The following ZNF318 variants were observed in gnomAD, a reference collection of about 807,000 sequenced individuals.
The protein encoded by ZNF318 is endocrine regulator.
A neutral mutation model predicts 124.2 loss-of-function variants in ZNF318; 51 were observed. That is an observed-to-expected ratio of 0.41 (90% confidence interval 0.33 to 0.52). The LOEUF is 0.52. Among genes scored for constraint, ZNF318 ranks in the 20% least tolerant of loss-of-function variants. ZNF318 has a pLI of 0.23. For synonymous variants in ZNF318, 1,090 were observed against 1,040.7 expected (o/e 1.05, Z -0.91); for missense variants, 2,815 against 2,811.2 (o/e 1.00, Z -0.03).
rs1463278919 is a variant in ZNF318, at chr6:43,369,509, G to A, written c.-144C>T. The A allele has an allele frequency of 1.2e-5, 6 of 519,882 alleles. No individual in the cohort carries two copies. Among genetic ancestry groups the A allele is most frequent in the African/African-American group, 1.0e-4 (5 of 48,072 alleles). The allele number at this position is 519,882 out of a possible 1,614,324, so 32.2% of individuals were successfully genotyped here. A position where few individuals can be genotyped will look rare whatever the true frequency, so the allele number is the denominator to read the frequency against. On this transcript the variant is annotated 5_prime_UTR_variant, in exon 1 of 10. Transcript: ENST00000361428. ...CCGCGGGAGCAGCCCCCTCCCCTCG[G>A]CCCCGCGTCGCCCCGGGGGCCCGGC... is the stretch of plus-strand genomic sequence containing the variant.
intron 1 of ZNF318, among the ~76,000 whole-genome samples, chr6:43,365,758 T>G (rs919959594): frequency 6.6e-6 from 1 of 152,212 alleles, no homozygotes; most frequent in African/African-American, 2.4e-5. Flanking sequence ...CACTTCAGCC[T>G]GGGCAATGAG....
rs778673778 is a variant in ZNF318 at position 43,338,416 on chromosome 6, G to A, written c.5582C>T (p.Ser1861Phe). The stretch of plus-strand genomic sequence containing the variant: ...TGAGTCTAATTTTGCCTTTGTGAAA[G>A]AGCAAGCCTGTGGACTCAATTTGAT... ...VVIKLSPQAC[S>F]FTKAKLDSFL... Residue 1861 changes from serine (S) to phenylalanine (F), a missense_variant, in exon 10 of 10, where the codon TCT (serine) becomes TTT (phenylalanine). By Grantham distance (155) the Ser-to-Phe change is radical. Coordinates refer to ENST00000361428, the MANE Select transcript of ZNF318 (RefSeq NM_014345.3). 4 of 1,614,220 alleles carry A rather than the reference G, an allele frequency of 2.5e-6. No individual in the cohort carries two copies. Among genetic ancestry groups the A allele is most frequent in the Non-Finnish European group, 3.4e-6 (4 of 1,180,034 alleles).
At chr6:43,347,751 G>A (rs1229976154) in intron 6 of ZNF318, among the ~76,000 whole-genome samples, 2 of 152,126 alleles carry the variant, frequency 1.3e-5, no homozygotes, top group African/African-American at 4.8e-5. Flanking sequence ...TGGATGAAAT[G>A]GCCTAGGAAG....
chr6:43,338,110 T>C lies in ZNF318; in HGVS notation c.5888A>G (p.Lys1963Arg), dbSNP rs1218221655. The C allele has an allele frequency of 6.2e-7, 1 of 1,613,484 alleles. No homozygotes were observed. Among genetic ancestry groups the C allele is most frequent in the Non-Finnish European group, 8.5e-7 (1 of 1,179,866 alleles). ...GCTCTCCCAGGTCTCTGGCCTCTTC[T>C]TGTTTTCATCCCAAACAGCCAACTC... ...IYELAVWDENKKRPETWESPE... is the reference protein window; with the variant it reads ...IYELAVWDENRKRPETWESPE... The change falls in exon 10 of 10, where the codon AAG becomes AGG. Residue 1963 changes from lysine (K) to arginine (R), a missense_variant. Lys to Arg is a conservative substitution (Grantham distance 26). Transcript: ENST00000361428.
At chr6:43,341,325 T>C (rs1392246734) in intron 8 of ZNF318, among the ~76,000 whole-genome samples, 2 of 152,186 alleles carry the variant, frequency 1.3e-5, no homozygotes. Flanking sequence ...AAGGGTATAG[T>C]AGCAGCACTA....
Position 43,365,388 on chromosome 6 carries a change from G to A in ZNF318, c.452C>T (p.Thr151Ile). Residue 151 changes from threonine (T) to isoleucine (I), a missense_variant, in exon 2 of 10, where the codon ACT becomes ATT. Thr to Ile is a moderately conservative substitution (Grantham distance 89). Coordinates refer to ENST00000361428, the MANE Select transcript of ZNF318 (RefSeq NM_014345.3). ...AACACAGAAGTGGTCATTGCCAACA[G>A]TGATCCTTAAGCTCTTTTCCAAAGA... is the stretch of plus-strand genomic sequence containing the variant. ...SDSLEKSLRI[T>I]VGNDHFCVST... 2 of 1,614,174 alleles carry A rather than the reference G, an allele frequency of 1.2e-6. No individual in the cohort carries two copies. Among genetic ancestry groups the A allele is most frequent in the South Asian group, 2.2e-5 (2 of 91,092 alleles).
intron 5 of ZNF318, among the ~76,000 whole-genome samples, chr6:43,350,074 A>G (rs1779505076): frequency 6.6e-6 from 1 of 151,932 alleles, no homozygotes; most frequent in Admixed American, 6.6e-5. Context: ...ACAGGGTGAA[A>G]CCCCGTCTCT....
At position 43,354,827 on chromosome 6, in the gene ZNF318, C is replaced by A; in HGVS notation, c.2507G>T (p.Arg836Leu). ...ATCAGGAGTCACAGTGGGGATCACA[C>A]GAAGATTGGGACGGCTACGAGTAGC... ...KQATRSRPNL[R>L]VIPTVTPDKP... is the part of the protein sequence containing the mutation. Residue 836 changes from arginine to leucine, a missense_variant, in exon 4 of 10, where the codon CGT becomes CTT. Coordinates refer to ENST00000361428, the MANE Select transcript of ZNF318 (RefSeq NM_014345.3). The A allele has an allele frequency of 6.2e-7, 1 of 1,614,132 alleles. No individual in the cohort carries two copies.
chr6:43,338,311 G>C lies in ZNF318; in HGVS notation c.5687C>G (p.Ser1896Cys), dbSNP rs1779318787. 6.2e-7 allele frequency: 1 copy of C among 1,614,182 alleles called. No homozygotes were observed. The highest frequency in any genetic ancestry group is 8.5e-7 in the Non-Finnish European group (1 of 1,180,028). ...KISAPELLLH[S>C]PARSAMCLTG... ...TAAACACATAGCTGATCTGGCTGGG[G>C]AATGAAGCAGCAACTCTGGGGCAGA... is the stretch of plus-strand genomic sequence containing the variant. The change falls in exon 10 of 10, where the codon TCC becomes TGC. Residue 1896 changes from serine to cysteine, a missense_variant. Coordinates refer to ENST00000361428, the MANE Select transcript of ZNF318 (RefSeq NM_014345.3).
At position 43,337,257 on chromosome 6, in the gene ZNF318, C is replaced by T. The variant is rs900063403; in HGVS notation, c.6741G>A (p.Glu2247=). Residue 2247 remains glutamate, a synonymous_variant, in exon 10 of 10, where the codon GAG becomes GAA. Transcript: ENST00000361428. ...KAPVSRSPPR[E]QVIEDNMVPQ... ...GGACCATATTGTCTTCAATTACCTG[C>T]TCCCTTGGAGGGGACCTTGACACTG... The T allele has an allele frequency of 3.1e-6, 5 of 1,614,046 alleles. No homozygotes were observed. The South Asian group carries it at 3.3e-5, about 11-fold the overall frequency.
rs780303808 is a variant in ZNF318 at position 43,352,496 on chromosome 6, AAG to A, written c.2671-22_2671-21del. ...AATAACCTGCAAAATACAAAGTGGT[AAG>A]AGAGTCCATCTCCTCCAACATTCTC... is the stretch of plus-strand genomic sequence containing the variant. On this transcript the variant is annotated intron_variant, in intron 4 of 9. Transcript: ENST00000361428. 3.1e-6 allele frequency: 5 copies of A among 1,599,038 alleles called. No individual in the cohort carries two copies. The highest frequency in any genetic ancestry group is 1.1e-5 in the South Asian group (1 of 90,730).
chr6:43,338,796 T>C lies in ZNF318; in HGVS notation c.5202A>G (p.Gln1734=), dbSNP rs779762381. 1.9e-6 allele frequency: 3 copies of C among 1,614,118 alleles called. No individual in the cohort carries two copies. The highest frequency in any genetic ancestry group is 2.7e-5 in the African/African-American group (2 of 75,024). ...ATTCTTTGCACTGTATATCTAACAG[T>C]TGAGGAGGTGGTTCTACACCAGGTG... ...PGPPGVEPPP[Q]LLDIQCKESQ... Residue 1734 remains glutamine, a synonymous_variant, in exon 10 of 10, where the codon CAA becomes CAG. Transcript: ENST00000361428.
Position 43,357,487 on chromosome 6 carries a change from T to A in ZNF318, c.827A>T (p.Tyr276Phe). 1 of 1,614,166 alleles carries A rather than the reference T, an allele frequency of 6.2e-7. No individual in the cohort carries two copies. Among genetic ancestry groups the A allele is most frequent in the Non-Finnish European group, 8.5e-7 (1 of 1,180,002 alleles). The change falls in exon 3 of 10, where the codon TAT becomes TTT. Residue 276 changes from tyrosine (Y) to phenylalanine (F), a missense_variant. Around this residue, in one of 4 missense-constraint regions of ZNF318, gnomAD observed 1,377 missense variants for 1,353.5 expected, o/e 1.02. Transcript: ENST00000361428. The stretch of plus-strand genomic sequence containing the variant: ...GCTGTTTATCTTCACTGTGTCATCA[T>A]AACGGGGTCTTTTGGCCTCCCGGCT... ...ERSREAKRPR[Y>F]DDTVKINSMG...
chr6:43,342,974 GCC>G (rs1409301344), intron 6 of ZNF318, 95 bp from the exon 7 acceptor site: 8 of 839,804 alleles, frequency 9.5e-6, no homozygotes, highest in African/African-American at 8.5e-5. Context: ...TAGAAATAGG[GCC>G]ATATGACCAT....
chr6:43,368,903 A>T, intron 1 of ZNF318, 64 bp downstream of exon 1: 2 of 1,279,406 alleles, frequency 1.6e-6, no homozygotes, highest in East Asian at 3.2e-5. Context: ...GCGTTTCTGG[A>T]AACGGGAATT....
At chr6:43,347,630 G>A (rs1383974505) in intron 6 of ZNF318, among the ~76,000 whole-genome samples, 2 of 152,166 alleles carry the variant, frequency 1.3e-5, no homozygotes, top group Non-Finnish European at 2.9e-5. Flanking sequence ...AATTTCAAGT[G>A]CCTATGAGAT....
At chr6:43,352,606 C>A in intron 4 of ZNF318, 130 bp from the exon 5 acceptor site, 1 of 744,498 alleles carries the variant, frequency 1.3e-6, no homozygotes, top group Non-Finnish European at 2.2e-6. Context: ...CAGGCTCTGA[C>A]CTTACTGTCA....
intron 1 of ZNF318, among the ~76,000 whole-genome samples, chr6:43,366,614 T>C (rs1308104269): frequency 1.3e-5 from 2 of 152,008 alleles, no homozygotes; most frequent in African/African-American, 2.4e-5. Flanking sequence ...CTGGGCAACA[T>C]AGTGAAATCC....
In ZNF318 at chr6:43,355,962, C is replaced by A. The variant is rs1043171789; in HGVS notation, c.1372G>T (p.Gly458Trp). ...GNLYQWGPLP[G>W]IPKDNSPLRE... ...AGAGGACTGTTGTCTTTGGGAATCC[C>A]AGGAAGGGGACCCCATTGGTAGAGG... The change falls in exon 4 of 10, where the codon GGG (glycine) becomes TGG (tryptophan). Residue 458 changes from glycine to tryptophan, a missense_variant. By Grantham distance (184) the Gly-to-Trp change is radical. Coordinates refer to ENST00000361428, the MANE Select transcript of ZNF318 (RefSeq NM_014345.3). 4 of 1,614,036 alleles carry A rather than the reference C, an allele frequency of 2.5e-6. No individual in the cohort carries two copies. The African/African-American group carries it at 5.3e-5, about 22-fold the overall frequency.
Sources: gnomAD v4.1 joint callset for allele counts (sites outside exome capture counted in the v4.1 genomes callset) on GRCh38, gnomAD v4.1.1 for gene constraint, gnomAD v4.1.1 regional missense constraint, MANE v1.5 for transcripts, NCBI Gene and HGNC (gene_info 2026-07-23, HGNC 2026-07-21) for gene names.